The following SSUH2 variants were observed in gnomAD, a reference collection of about 807,000 sequenced individuals.
The protein encoded by SSUH2 is protein SSUH2 homolog.
SSUH2 carries 47 observed loss-of-function variants against 55.3 expected under a neutral mutation model. The observed-to-expected ratio is 0.85, with a 90% CI of 0.67 to 1.08. The LOEUF (loss-of-function observed/expected upper bound fraction) is 1.08. Among genes scored for constraint, SSUH2 ranks in the 50% least tolerant of loss-of-function variants. The probability of loss-of-function intolerance (pLI) is 0.00; values close to 1 mark genes in which losing one functional copy is unlikely to be tolerated. For synonymous variants in SSUH2, 212 were observed against 191.5 expected (o/e 1.11, Z -0.89); for missense variants, 535 against 490.7 (o/e 1.09, Z -0.85).
chr3:8,660,780 T>A (rs929485482), intron 6 of SSUH2, among the ~76,000 whole-genome samples: 16 of 152,354 alleles, frequency 1.1e-4, no homozygotes, highest in African/African-American at 3.8e-4. Flanking sequence ...AGTCAACTTA[T>A]AAAAACTGTG....
At chr3:8,665,689 T>A (rs1055956046) in intron 5 of SSUH2, among the ~76,000 whole-genome samples, 21 of 152,284 alleles carry the variant, frequency 1.4e-4, no homozygotes, top group African/African-American at 5.1e-4. Flanking sequence ...ATGCCTTTCA[T>A]GTCACTTCAA....
At chr3:8,645,068 T>C (rs1701495988), upstream of SSUH2, among the ~76,000 whole-genome samples, 1 of 152,150 alleles carries the variant, frequency 6.6e-6, no homozygotes. Context: ...CTGAGCAGGA[T>C]GATAGATTCA....
At chr3:8,623,743 G>A in intron 10 of SSUH2, 87 bp from the exon 11 acceptor site, 1 of 651,734 alleles carries the variant, frequency 1.5e-6, no homozygotes, top group Non-Finnish European at 2.7e-6. Context: ...GCCAGAGCCA[G>A]AGCCAGACAG....
Position 8,623,663 on chromosome 3 carries a change from G to A in SSUH2, c.874-7C>T. 6.9e-7 allele frequency: 1 copy of A among 1,455,698 alleles called. No individual in the cohort carries two copies. 90.2% of individuals were successfully genotyped at this position (1,455,698 alleles called of 1,614,324 possible). The stretch of plus-strand genomic sequence containing the variant: ...AGTCCACGATGGGGTACACCTGGGG[G>A]AAAGAGAGAGAGACACAGACCACCT... On this transcript the variant is annotated splice_region_variant and splice_polypyrimidine_tract_variant and intron_variant, in intron 10 of 11. Transcript: ENST00000544814.
intron 1 of SSUH2, chr3:8,639,987 A>G (rs1700570036): frequency 1.0e-6 from 1 of 985,456 alleles, no homozygotes; most frequent in Non-Finnish European, 1.2e-6. Context: ...ATGCCTCGTG[A>G]TTTGAATTAT....
intron 6 of SSUH2, among the ~76,000 whole-genome samples, chr3:8,660,949 G>C (rs1490379336): frequency 6.6e-6 from 1 of 152,182 alleles, no homozygotes; most frequent in Non-Finnish European, 1.5e-5. Flanking sequence ...GGCCAACCCA[G>C]ACAGAGCAAG....
chr3:8,630,663 C>T lies in SSUH2; in HGVS notation c.525+142G>A, dbSNP rs542018655. The T allele has an allele frequency of 9.9e-5, 75 of 756,384 alleles. No homozygotes were observed. The South Asian group carries it at 4.1e-3, about 41-fold the overall frequency. 46.9% of individuals were successfully genotyped at this position (756,384 alleles called of 1,614,324 possible). Reference sequence around the variant, plus strand: ...CCATATACCAGGTTTTATTAAATTACGTTTATTTATAACCAACAAATGAAG... The same window carrying T: ...CCATATACCAGGTTTTATTAAATTATGTTTATTTATAACCAACAAATGAAG... On this transcript the variant is annotated intron_variant, in intron 6 of 11. Coordinates refer to ENST00000544814, the MANE Select transcript of SSUH2 (RefSeq NM_001256748.3).
intron 7 of SSUH2, among the ~76,000 whole-genome samples, chr3:8,651,776 G>T (rs1184167278): frequency 6.6e-6 from 1 of 152,094 alleles, no homozygotes; most frequent in East Asian, 1.9e-4. Context: ...CCTCAGCAAG[G>T]ATGGATGTGT....
chr3:8,633,440 A>G (rs927030465), intron 4 of SSUH2, among the ~76,000 whole-genome samples: 2 of 152,174 alleles, frequency 1.3e-5, no homozygotes, highest in Admixed American at 1.3e-4. Context: ...GATTACAGGC[A>G]TGAGCCGCCG....
intron 1 of SSUH2, among the ~76,000 whole-genome samples, chr3:8,642,086 C>T (rs1473283657): frequency 6.6e-6 from 1 of 152,204 alleles, no homozygotes; most frequent in Non-Finnish European, 1.5e-5. Flanking sequence ...ACCAGAAAAG[C>T]TGCCTCCTAA....
Position 8,635,860 on chromosome 3 carries a change from G to T in SSUH2, c.29-3C>A. 4 of 1,535,802 alleles carry T rather than the reference G, an allele frequency of 2.6e-6. No individual in the cohort carries two copies. Among genetic ancestry groups the T allele is most frequent in the Non-Finnish European group, 3.5e-6 (4 of 1,146,688 alleles). ...CTCAAAACTGAGGTCCACCACACCTGCAGAAAGACAAGCATTCCTAAGCCT... is the reference window on the plus strand; with the variant it reads ...CTCAAAACTGAGGTCCACCACACCTTCAGAAAGACAAGCATTCCTAAGCCT... On this transcript the variant is annotated splice_polypyrimidine_tract_variant and splice_region_variant and intron_variant, in intron 1 of 11. Coordinates refer to ENST00000544814, the MANE Select transcript of SSUH2 (RefSeq NM_001256748.3).
chr3:8,632,830 G>C (rs1260842897), intron 4 of SSUH2, among the ~76,000 whole-genome samples: 1 of 152,198 alleles, frequency 6.6e-6, no homozygotes, highest in Non-Finnish European at 1.5e-5. Flanking sequence ...TCATGATCTG[G>C]GGGAGGCAGA....
intron 7 of SSUH2, among the ~76,000 whole-genome samples, chr3:8,650,348 T>C (rs991269049): frequency 2.0e-5 from 3 of 152,236 alleles, no homozygotes; most frequent in African/African-American, 7.2e-5. Flanking sequence ...AAAAAGCATA[T>C]TTGTGTCTGT....
At chr3:8,634,213 C>T in intron 3 of SSUH2, 1 of 573,532 alleles carries the variant, frequency 1.7e-6, no homozygotes, top group Non-Finnish European at 2.9e-6. Context: ...GCCAGAGGAG[C>T]TGCTAGCAAC....
chr3:8,672,247 T>C (rs980123516), intron 3 of SSUH2, among the ~76,000 whole-genome samples: 1 of 151,804 alleles, frequency 6.6e-6, no homozygotes, highest in African/African-American at 2.4e-5. Flanking sequence ...GGGAGTAGGG[T>C]CATCCTCTCC....
intron 5 of SSUH2, among the ~76,000 whole-genome samples, chr3:8,668,605 G>T (rs11131142): frequency 0.23 from 35,065 of 152,060 alleles, 4,297 homozygotes; most frequent in African/African-American, 0.29. Flanking sequence ...TTTCACTGCA[G>T]CATGCATAAA....
intron 7 of SSUH2, among the ~76,000 whole-genome samples, chr3:8,656,901 G>C (rs1009147453): frequency 1.3e-5 from 2 of 151,740 alleles, no homozygotes; most frequent in African/African-American, 4.8e-5. Flanking sequence ...GTTTGAGACA[G>C]AGTCTCACTT....
In SSUH2 at chr3:8,620,004, A is replaced by G. The variant is rs1696085661; in HGVS notation, c.992T>C (p.Ile331Thr). The G allele has an allele frequency of 1.9e-6, 3 of 1,613,972 alleles. No individual in the cohort carries two copies. The highest frequency in any genetic ancestry group is 2.5e-6 in the Non-Finnish European group (3 of 1,179,914). ...RARVLQQRQT[I>T]ELIPLTEVHY... ...AACTTCTGTGAGGGGGATCAGCTCAATGGTCTGGCGCTGAGGAAACAAATA... is the reference window on the plus strand; with the variant it reads ...AACTTCTGTGAGGGGGATCAGCTCAGTGGTCTGGCGCTGAGGAAACAAATA... The change falls in exon 12 of 12, where the codon ATT (isoleucine) becomes ACT (threonine). Residue 331 changes from isoleucine (I) to threonine (T), a missense_variant. Physicochemically the swap from Ile to Thr is moderately conservative, Grantham distance 89. Transcript: ENST00000544814.
At chr3:8,677,350 G>C (rs1202676605) in exon 3 of SSUH2, 1 of 151,320 alleles carries the variant, frequency 6.6e-6, no homozygotes, top group Non-Finnish European at 1.5e-5. Context: ...CAATCTATCG[G>C]AGCCTAAGGG....
Sources: allele counts gnomAD v4.1 joint callset (sites outside exome capture counted in the v4.1 genomes callset), GRCh38; gene constraint gnomAD v4.1.1; transcripts MANE v1.5; gene names NCBI Gene and HGNC (gene_info 2026-07-23, HGNC 2026-07-21).